TENM2: variants seen among roughly 807,000 people sequenced by gnomAD.
The protein encoded by TENM2 is teneurin-2.
A neutral mutation model predicts 245.2 loss-of-function variants in TENM2; 52 were observed. That is an observed-to-expected ratio of 0.21 (90% CI 0.17 to 0.27). The LOEUF is 0.27. TENM2 is among the 10% of genes least tolerant of loss of function. The probability of loss-of-function intolerance (pLI) is 1.00; values close to 1 mark genes in which losing one functional copy is unlikely to be tolerated. For missense variants in TENM2, 3,046 were observed against 3,666.8 expected (o/e 0.83, Z 4.37); for synonymous variants, 1,363 against 1,438.9 (o/e 0.95, Z 1.19).
At chr5:167,125,932 C>G in the TENM2 span, among the ~76,000 whole-genome samples, 1 of 152,164 alleles carries the variant, frequency 6.6e-6, no homozygotes, top group Non-Finnish European at 1.5e-5. Flanking sequence ...TTTTTCCCAA[C>G]AACTGAGGGT....
chr5:167,368,759 G>A (rs1760217431), intron 1 of TENM2, among the ~76,000 whole-genome samples: 1 of 152,036 alleles, frequency 6.6e-6, no homozygotes, highest in African/African-American at 2.4e-5. Context: ...GCGCTGCTTC[G>A]TCGCGGCAGG....
At chr5:167,397,899 C>G (rs758470058) in intron 2 of TENM2, among the ~76,000 whole-genome samples, 1 of 152,124 alleles carries the variant, frequency 6.6e-6, no homozygotes, top group Non-Finnish European at 1.5e-5. Flanking sequence ...ATTTATATTA[C>G]TATCTCTCCT....
At chr5:167,911,563 C>T (rs1470930523) in intron 3 of TENM2, among the ~76,000 whole-genome samples, 2 of 152,142 alleles carry the variant, frequency 1.3e-5, no homozygotes, top group Admixed American at 1.3e-4. Flanking sequence ...ACAAAAGAAA[C>T]TCAGATGACA....
the TENM2 span, among the ~76,000 whole-genome samples, chr5:167,164,359 C>T: frequency 5.3e-5 from 8 of 152,202 alleles, no homozygotes; most frequent in Non-Finnish European, 7.3e-5. Context: ...GACATAGCTT[C>T]ACTATAGATG....
chr5:167,925,578 A>G (rs550098525), intron 3 of TENM2, among the ~76,000 whole-genome samples: 3 of 152,344 alleles, frequency 2.0e-5, no homozygotes, highest in East Asian at 3.9e-4. Flanking sequence ...CAGAATTACC[A>G]TTCAAGCCAG....
chr5:168,151,636 C>T (rs1756663319), intron 12 of TENM2, among the ~76,000 whole-genome samples: 1 of 152,178 alleles, frequency 6.6e-6, no homozygotes, highest in African/African-American at 2.4e-5. Flanking sequence ...AAGGGTGAAG[C>T]CAAGGTTTGA....
intron 27 of TENM2, among the ~76,000 whole-genome samples, chr5:168,253,717 G>C (rs941142631): frequency 6.6e-6 from 1 of 152,180 alleles, no homozygotes; most frequent in Admixed American, 6.5e-5. Flanking sequence ...GAGCCACCGC[G>C]CCTGGCTACG....
chr5:167,877,905 A>G (rs1043335075), intron 3 of TENM2, among the ~76,000 whole-genome samples: 2 of 152,092 alleles, frequency 1.3e-5, no homozygotes, highest in Non-Finnish European at 2.9e-5. Context: ...TTTTTATTTC[A>G]TACTATGTAA....
intron 27 of TENM2, among the ~76,000 whole-genome samples, chr5:168,248,629 A>G (rs964108901): frequency 2.6e-5 from 4 of 152,230 alleles, no homozygotes; most frequent in African/African-American, 9.6e-5. Flanking sequence ...AGCCCTTCCT[A>G]CCCCAACAGA....
At chr5:167,060,265 A>G in the TENM2 span, among the ~76,000 whole-genome samples, 5 of 152,288 alleles carry the variant, frequency 3.3e-5, no homozygotes, top group South Asian at 8.3e-4. Flanking sequence ...TTGTTGCCCA[A>G]TAGAAAAATA....
intron 2 of TENM2, among the ~76,000 whole-genome samples, chr5:167,486,016 G>A (rs1768043517): frequency 6.6e-6 from 1 of 151,812 alleles, no homozygotes; most frequent in Non-Finnish European, 1.5e-5. Context: ...GTGTCTAGTA[G>A]AAATACCTCC....
intron 2 of TENM2, among the ~76,000 whole-genome samples, chr5:167,390,588 A>C (rs988892075): frequency 6.6e-6 from 1 of 152,206 alleles, no homozygotes; most frequent in Non-Finnish European, 1.5e-5. Flanking sequence ...TCAGTACATA[A>C]GAAAAGACTC....
At chr5:167,848,186 C>T (rs1770228648) in intron 2 of TENM2, among the ~76,000 whole-genome samples, 1 of 152,072 alleles carries the variant, frequency 6.6e-6, no homozygotes, top group Non-Finnish European at 1.5e-5. Context: ...GTCATGAGAG[C>T]TGAGTGGATC....
intron 2 of TENM2, among the ~76,000 whole-genome samples, chr5:167,800,168 A>C (rs1765607874): frequency 6.6e-6 from 1 of 152,244 alleles, no homozygotes; most frequent in Admixed American, 6.5e-5. Context: ...GTTTCTATGC[A>C]CAAAGTAATC....
chr5:166,985,864 G>A, the TENM2 span, among the ~76,000 whole-genome samples: 1 of 152,092 alleles, frequency 6.6e-6, no homozygotes. Context: ...ACAGGTGTTT[G>A]GCTTGACATA....
intron 7 of TENM2, among the ~76,000 whole-genome samples, chr5:168,082,432 C>G (rs1005331083): frequency 6.6e-6 from 1 of 152,208 alleles, no homozygotes; most frequent in African/African-American, 2.4e-5. Flanking sequence ...GCCTTCTTCT[C>G]TCAACCCGTC....
At chr5:167,931,366 T>TA (rs1200217665) in intron 3 of TENM2, among the ~76,000 whole-genome samples, 1 of 152,134 alleles carries the variant, frequency 6.6e-6, no homozygotes, top group Non-Finnish European at 1.5e-5. Context: ...ATTAAGATCA[T>TA]ATCGGGTTGG....
chr5:167,075,490 A>T, the TENM2 span, among the ~76,000 whole-genome samples: 3 of 152,332 alleles, frequency 2.0e-5, no homozygotes, highest in South Asian at 6.2e-4. Flanking sequence ...GCAAGGCTAC[A>T]TGGTGCTGGG....
chr5:167,521,531 C>G (rs905822160), intron 2 of TENM2, among the ~76,000 whole-genome samples: 3 of 152,190 alleles, frequency 2.0e-5, no homozygotes, highest in African/African-American at 7.2e-5. Flanking sequence ...GTGAATCAAG[C>G]TTGTCACTGT....
Sources: gnomAD v4.1 joint callset for allele counts (sites outside exome capture counted in the v4.1 genomes callset) on GRCh38, gnomAD v4.1.1 for gene constraint, MANE v1.5 for transcripts, NCBI Gene and HGNC (gene_info 2026-07-23, HGNC 2026-07-21) for gene names.